KIAA1958: variants seen among roughly 807,000 people sequenced by gnomAD.
KIAA1958 encodes the protein uncharacterized protein KIAA1958.
A neutral mutation model predicts 47.2 loss-of-function variants in KIAA1958; 14 were observed. The observed-to-expected ratio is 0.30, with a 90% CI of 0.20 to 0.46. KIAA1958 has a LOEUF of 0.46. Ranked by LOEUF, KIAA1958 falls within the 20% of genes least tolerant of loss-of-function variation. The pLI is 1.00. For synonymous variants in KIAA1958, 354 were observed against 353.3 expected (o/e 1.00, Z -0.02); for missense variants, 803 against 909.2 (o/e 0.88, Z 1.50).
intron 1 of KIAA1958, among the ~76,000 whole-genome samples, chr9:112,542,133 T>G (rs182225476): frequency 1.3e-5 from 2 of 152,320 alleles, no homozygotes; most frequent in African/African-American, 4.8e-5. Flanking sequence ...TATTTTAAAC[T>G]GAGTTCATAT....
intron 2 of KIAA1958, among the ~76,000 whole-genome samples, chr9:112,590,614 G>A (rs1835905234): frequency 6.6e-6 from 1 of 152,122 alleles, no homozygotes; most frequent in South Asian, 2.1e-4. Flanking sequence ...GGCTCCCAAA[G>A]TGCTAGGATT....
At chr9:112,612,468 C>T (rs1836343041) in intron 2 of KIAA1958, among the ~76,000 whole-genome samples, 1 of 151,816 alleles carries the variant, frequency 6.6e-6, no homozygotes, top group Non-Finnish European at 1.5e-5. Flanking sequence ...TTAAATATAT[C>T]CAGAGTTCCT....
At chr9:112,487,194 G>T (rs898673268) in intron 1 of KIAA1958, 76 bp downstream of exon 1, 4 of 181,860 alleles carry the variant, frequency 2.2e-5, no homozygotes, top group South Asian at 8.1e-5. Flanking sequence ...CCTTTGTGTG[G>T]GGGGCGGCCG....
intron 1 of KIAA1958, among the ~76,000 whole-genome samples, chr9:112,519,181 A>T (rs1430223654): frequency 6.6e-6 from 1 of 152,182 alleles, no homozygotes; most frequent in Non-Finnish European, 1.5e-5. Context: ...GAGCTCAAGC[A>T]GTACTCCCAC....
At chr9:112,567,674 A>G (rs1564174938) in intron 1 of KIAA1958, among the ~76,000 whole-genome samples, 1 of 152,126 alleles carries the variant, frequency 6.6e-6, no homozygotes, top group Non-Finnish European at 1.5e-5. Flanking sequence ...TCCCGAAAAT[A>G]CAGGCCAGGT....
chr9:112,592,562 T>G (rs1835942256), intron 2 of KIAA1958, among the ~76,000 whole-genome samples: 1 of 152,198 alleles, frequency 6.6e-6, no homozygotes, highest in Non-Finnish European at 1.5e-5. Flanking sequence ...GTAAAGCACT[T>G]AGAGAGAAGT....
chr9:112,520,865 A>G lies in KIAA1958; in HGVS notation c.-25+33747A>G, dbSNP rs376760363. ...GTTGGTCCTTTTCAACATATGAAAC[A>G]TATCCCCAGCACCTGGCATGCAGTA... On this transcript the variant is annotated intron_variant, in intron 1 of 3. Coordinates refer to ENST00000337530, the MANE Select transcript of KIAA1958 (RefSeq NM_133465.4). Among the ~76,000 whole-genome samples, 11 of 152,324 alleles carry G rather than the reference A, an allele frequency of 7.2e-5. No individual in the cohort carries two copies. In the East Asian group the frequency reaches 2.1e-3, roughly 29 times the overall value.
intron 2 of KIAA1958, among the ~76,000 whole-genome samples, chr9:112,595,530 G>A (rs1406788950): frequency 6.6e-6 from 1 of 151,904 alleles, no homozygotes; most frequent in Non-Finnish European, 1.5e-5. Context: ...GTGTGGTGGT[G>A]CATACCTGTA....
intron 1 of KIAA1958, among the ~76,000 whole-genome samples, chr9:112,515,889 T>TTA (rs1270734277): frequency 2.3e-4 from 5 of 21,386 alleles, no homozygotes; most frequent in Non-Finnish European, 4.3e-4. Flanking sequence ...AATAAAAAAA[T>TTA]AAATTAAAAA....
At chr9:112,502,588 TAA>T (rs1302168986) in intron 1 of KIAA1958, among the ~76,000 whole-genome samples, 4 of 152,224 alleles carry the variant, frequency 2.6e-5, no homozygotes, top group Admixed American at 6.5e-5. Context: ...GTCAATATAT[TAA>T]GAGCCATAAA....
intron 2 of KIAA1958, among the ~76,000 whole-genome samples, chr9:112,583,537 C>G (rs1215791035): frequency 6.6e-6 from 1 of 152,116 alleles, no homozygotes; most frequent in Non-Finnish European, 1.5e-5. Flanking sequence ...TACAGTGCAA[C>G]TTCTTGATAA....
intron 1 of KIAA1958, among the ~76,000 whole-genome samples, chr9:112,572,382 G>A (rs1835554586): frequency 6.6e-6 from 1 of 152,104 alleles, no homozygotes; most frequent in Non-Finnish European, 1.5e-5. Flanking sequence ...AGGTTATAAT[G>A]TCCCAAGAAC....
intron 2 of KIAA1958, among the ~76,000 whole-genome samples, chr9:112,597,868 T>G (rs944986620): frequency 3.3e-5 from 5 of 152,136 alleles, no homozygotes; most frequent in Admixed American, 6.5e-5. Context: ...TTTCTGATAA[T>G]CAAGTTAATT....
chr9:112,647,868 T>C (rs1290019462), intron 3 of KIAA1958, among the ~76,000 whole-genome samples: 1 of 152,198 alleles, frequency 6.6e-6, no homozygotes, highest in East Asian at 1.9e-4. Flanking sequence ...ATCTCACTAA[T>C]TTGAGGGTAG....
intron 1 of KIAA1958, among the ~76,000 whole-genome samples, chr9:112,541,767 T>C (rs980037581): frequency 6.6e-6 from 1 of 151,936 alleles, no homozygotes; most frequent in African/African-American, 2.4e-5. Flanking sequence ...ATTGCACCAA[T>C]GCATTCCATC....
chr9:112,557,851 A>G (rs1271970034), intron 1 of KIAA1958, among the ~76,000 whole-genome samples: 4 of 152,266 alleles, frequency 2.6e-5, no homozygotes, highest in African/African-American at 4.8e-5. Context: ...CATTTTTAAC[A>G]TAGTATAAGA....
Position 112,667,583 on chromosome 9 carries a change from CAG to C in KIAA1958, c.*7516_*7517del, listed in dbSNP as rs1223420230. 10 of 152,022 alleles carry C rather than the reference CAG, an allele frequency of 6.6e-5. No individual in the cohort carries two copies. In the South Asian group the frequency reaches 1.2e-3, roughly 19 times the overall value. The allele number at this position is 152,022 out of a possible 1,614,324, so 9.4% of individuals were successfully genotyped here. A position where few individuals can be genotyped will look rare whatever the true frequency, so the allele number is the denominator to read the frequency against. ...AGAGTGAGACTCCATCTCAAAAAAA[CAG>C]AAAAAAAAGTAACAAATTGCCTGTA... is the stretch of plus-strand genomic sequence containing the variant. On this transcript the variant is annotated 3_prime_UTR_variant, in exon 4 of 4. Transcript: ENST00000337530.
chr9:112,582,293 C>G (rs968781819), intron 2 of KIAA1958, among the ~76,000 whole-genome samples: 2 of 152,180 alleles, frequency 1.3e-5, no homozygotes, highest in African/African-American at 4.8e-5. Context: ...ATACCCCATT[C>G]TCCATGATGT....
chr9:112,533,534 T>A (rs1251311512), intron 1 of KIAA1958, among the ~76,000 whole-genome samples: 2 of 130,718 alleles, frequency 1.5e-5, no homozygotes, highest in African/African-American at 5.9e-5. Flanking sequence ...TGAGCCAAGA[T>A]CGCGCCACCA....
Sources: gnomAD v4.1 joint callset for allele counts (sites outside exome capture counted in the v4.1 genomes callset) on GRCh38, gnomAD v4.1.1 for gene constraint, MANE v1.5 for transcripts, NCBI Gene and HGNC (gene_info 2026-07-23, HGNC 2026-07-21) for gene names.